The following OLA1 variants were observed in gnomAD, a reference collection of about 807,000 sequenced individuals.
OLA1 encodes obg-like ATPase 1.
Under a neutral mutation model 48.4 loss-of-function variants are expected in OLA1, and 14 were observed. The observed-to-expected ratio is 0.29, with a 90% CI of 0.19 to 0.45. The LOEUF (loss-of-function observed/expected upper bound fraction) is 0.45. OLA1 is among the 20% of genes least tolerant of loss of function. The probability of loss-of-function intolerance (pLI) is 1.00; values close to 1 mark genes in which losing one functional copy is unlikely to be tolerated. For synonymous variants in OLA1, 127 were observed against 150.4 expected, an observed-to-expected ratio of 0.84 and a Z score of 1.14; for missense variants, 325 against 467.1, an observed-to-expected ratio of 0.70 and a Z score of 2.80.
At chr2:174,194,863 T>G (rs1001487031) in intron 4 of OLA1, among the ~76,000 whole-genome samples, 1 of 152,182 alleles carries the variant, frequency 6.6e-6, no homozygotes, top group African/African-American at 2.4e-5. Context: ...TTACCACAAC[T>G]CTATGTCATC....
intron 4 of OLA1, among the ~76,000 whole-genome samples, chr2:174,193,280 A>T (rs1292421259): frequency 3.3e-5 from 5 of 151,928 alleles, no homozygotes; most frequent in Non-Finnish European, 5.9e-5. Flanking sequence ...AGCAGAGATG[A>T]GGTTTCACCA....
chr2:174,202,812 C>T (rs62174167), intron 4 of OLA1, among the ~76,000 whole-genome samples: 33,905 of 152,012 alleles, frequency 0.22, 4,554 homozygotes, highest in Admixed American at 0.29. Context: ...TTCAAAAATA[C>T]GGTATATAAC....
At chr2:174,156,321 T>C (rs1203129367) in intron 4 of OLA1, among the ~76,000 whole-genome samples, 3 of 152,096 alleles carry the variant, frequency 2.0e-5, no homozygotes, top group Admixed American at 6.6e-5. Flanking sequence ...GCACCCCAGC[T>C]ATAAAGATAA....
chr2:174,247,946 G>T, intron 1 of OLA1: 1 of 781,294 alleles, frequency 1.3e-6, no homozygotes, highest in African/African-American at 1.7e-5. Flanking sequence ...AACTAAAACT[G>T]TCCCAGTCTT....
At chr2:174,105,993 G>A (rs1685507324) in intron 7 of OLA1, among the ~76,000 whole-genome samples, 2 of 141,726 alleles carry the variant, frequency 1.4e-5, no homozygotes, top group African/African-American at 5.2e-5. Context: ...CTTTTTGTTG[G>A]CTGTCAACTG....
At chr2:174,148,442 G>C (rs1686665102) in intron 4 of OLA1, among the ~76,000 whole-genome samples, 1 of 152,028 alleles carries the variant, frequency 6.6e-6, no homozygotes. Flanking sequence ...TTTGCACAAG[G>C]AGAAATACTC....
At chr2:174,090,938 C>T (rs1685100119) in intron 7 of OLA1, among the ~76,000 whole-genome samples, 1 of 152,170 alleles carries the variant, frequency 6.6e-6, no homozygotes, top group Admixed American at 6.5e-5. Flanking sequence ...CCATGTGGGC[C>T]AGAGCTATCA....
At chr2:174,236,847 C>A (rs779063120) in intron 2 of OLA1, among the ~76,000 whole-genome samples, 2 of 152,094 alleles carry the variant, frequency 1.3e-5, no homozygotes, top group Non-Finnish European at 2.9e-5. Flanking sequence ...AGGACGCTTA[C>A]CATGAGTGGA....
At chr2:174,178,882 C>T (rs1235370186) in intron 4 of OLA1, among the ~76,000 whole-genome samples, 1 of 151,858 alleles carries the variant, frequency 6.6e-6, no homozygotes, top group Non-Finnish European at 1.5e-5. Flanking sequence ...TAAAACTTTG[C>T]TCCTAAACAG....
chr2:174,125,158 A>G (rs1250876743), intron 5 of OLA1, among the ~76,000 whole-genome samples: 1 of 152,236 alleles, frequency 6.6e-6, no homozygotes, highest in Non-Finnish European at 1.5e-5. Flanking sequence ...TTTAAACCCT[A>G]AAAGGCTTCC....
At chr2:174,128,140 C>A (rs757131331) in intron 5 of OLA1, among the ~76,000 whole-genome samples, 5 of 151,840 alleles carry the variant, frequency 3.3e-5, no homozygotes, top group Non-Finnish European at 7.4e-5. Context: ...TGCTTGTAAT[C>A]CCAGCATTTT....
intron 3 of OLA1, among the ~76,000 whole-genome samples, chr2:174,224,356 C>T (rs1004918296): frequency 3.3e-5 from 5 of 152,186 alleles, no homozygotes; most frequent in Non-Finnish European, 5.9e-5. Context: ...TTTGGAGAAG[C>T]TTGCTCTACC....
intron 5 of OLA1, among the ~76,000 whole-genome samples, chr2:174,138,278 T>G (rs1686357701): frequency 6.6e-6 from 1 of 152,194 alleles, no homozygotes; most frequent in East Asian, 1.9e-4. Flanking sequence ...CGTAGGGGTA[T>G]TATTAATATT....
chr2:174,077,333 C>G (rs1021949134), intron 10 of OLA1, among the ~76,000 whole-genome samples: 1 of 112,810 alleles, frequency 8.9e-6, no homozygotes, highest in Non-Finnish European at 2.3e-5. Flanking sequence ...TACATACATA[C>G]ATACATACAT....
At position 174,144,948 on chromosome 2, in the gene OLA1, AAAAATATAT is replaced by A. The variant is rs1272866203; in HGVS notation, c.374-2957_374-2949del. Among the ~76,000 whole-genome samples, 230 of 75,352 alleles carry A rather than the reference AAAAATATAT, an allele frequency of 3.1e-3. 3 individuals are homozygous for A. The highest frequency in any genetic ancestry group is 4.7e-3 in the Non-Finnish European group (182 of 38,754). The allele number at this position is 75,352 out of a possible 152,430, so 49.4% of individuals were successfully genotyped here. On this transcript the variant is annotated intron_variant, in intron 4 of 10. Transcript: ENST00000284719. The stretch of plus-strand genomic sequence containing the variant: ...CCCTGTTTAAAAAAAAAAAAAAAAA[AAAAATATAT>A]ATATATATATATATATATATATATA...
chr2:174,101,832 T>C (rs1431006676), intron 7 of OLA1, among the ~76,000 whole-genome samples: 1 of 152,146 alleles, frequency 6.6e-6, no homozygotes. Flanking sequence ...ACATGAAACT[T>C]GATTAACTGA....
At chr2:174,176,721 C>G (rs1202744958) in intron 4 of OLA1, among the ~76,000 whole-genome samples, 2 of 151,916 alleles carry the variant, frequency 1.3e-5, no homozygotes, top group African/African-American at 4.8e-5. Flanking sequence ...ACAAAGAGCT[C>G]TTTACCACAA....
intron 3 of OLA1, among the ~76,000 whole-genome samples, chr2:174,227,105 A>G (rs1688632466): frequency 2.0e-5 from 3 of 151,816 alleles, no homozygotes; most frequent in Non-Finnish European, 1.5e-5. Flanking sequence ...AAAAAAAAAA[A>G]GAAAGAAAGA....
intron 7 of OLA1, among the ~76,000 whole-genome samples, chr2:174,106,130 C>A (rs1043433946): frequency 5.3e-5 from 8 of 151,896 alleles, no homozygotes; most frequent in Non-Finnish European, 1.0e-4. Flanking sequence ...GTGTTTTACA[C>A]AAACAAAATT....
Sources: gnomAD v4.1 joint callset for allele counts (sites outside exome capture counted in the v4.1 genomes callset) on GRCh38, gnomAD v4.1.1 for gene constraint, MANE v1.5 for transcripts, NCBI Gene and HGNC (gene_info 2026-07-23, HGNC 2026-07-21) for gene names.